The following TRMT2B variants were observed in gnomAD, a reference collection of about 807,000 sequenced individuals.
TRMT2B encodes tRNA methyltransferase 2B.
TRMT2B carries 34 observed loss-of-function variants against 39.7 expected under a neutral mutation model. That is an observed-to-expected ratio of 0.86 (90% CI 0.65 to 1.14). TRMT2B has a LOEUF of 1.14. Among genes scored for constraint, TRMT2B ranks in the 50% most tolerant of loss-of-function variants. TRMT2B has a pLI of 0.00. For missense variants in TRMT2B, 318 were observed against 377.2 expected, an observed-to-expected ratio of 0.84 and a Z score of 1.30; for synonymous variants, 132 against 137.3, an observed-to-expected ratio of 0.96 and a Z score of 0.27.
chrX:101,019,967 C>G (rs1417513184), intron 11 of TRMT2B, among the ~76,000 whole-genome samples: 1 of 110,915 alleles, frequency 9.0e-6, no homozygotes, highest in Non-Finnish European at 1.9e-5. Context: ...ATGCAAGGAC[C>G]TATACCAAGA....
chrX:101,033,561 C>T (rs907754004), intron 7 of TRMT2B, among the ~76,000 whole-genome samples: 3 of 108,817 alleles, frequency 2.8e-5, no homozygotes, highest in Non-Finnish European at 5.7e-5. Context: ...CGCCACTGCA[C>T]TACAGCCCGG....
At chrX:101,043,205 G>A (rs1488416044) in intron 2 of TRMT2B, among the ~76,000 whole-genome samples, 3 of 111,384 alleles carry the variant, frequency 2.7e-5, no homozygotes, top group Non-Finnish European at 5.7e-5. Context: ...GGCAGAGGTT[G>A]CAGTCAGCCG....
At position 101,035,600 on chromosome X, in the gene TRMT2B, T is replaced by C; in HGVS notation, c.609+13A>G. On this transcript the variant is annotated intron_variant, in intron 7 of 13. Transcript: ENST00000372936. Reference sequence around the variant, plus strand: ...CTCCAGGCCATTCTCAACCAGCTCTTGTTCCATTTTACCTGCGCCACTTGA... The same window carrying C: ...CTCCAGGCCATTCTCAACCAGCTCTCGTTCCATTTTACCTGCGCCACTTGA... 2 of 1,204,266 alleles carry C rather than the reference T, an allele frequency of 1.7e-6. No homozygotes were observed. Among genetic ancestry groups the C allele is most frequent in the East Asian group, 3.0e-5 (1 of 33,829 alleles).
At position 101,010,431 on chromosome X, in the gene TRMT2B, C is replaced by G; in HGVS notation, c.*150G>C. 1 of 680,221 alleles carries G rather than the reference C, an allele frequency of 1.5e-6. No individual in the cohort carries two copies. 56.1% of individuals were successfully genotyped at this position (680,221 alleles called of 1,213,427 possible). ...TCTCAAAAAAAAAATCTGCCTCAGA[C>G]CAGAGGCCTAATAGATTCTTCCTAT... On this transcript the variant is annotated 3_prime_UTR_variant, in exon 14 of 14. Coordinates refer to ENST00000372936, the MANE Select transcript of TRMT2B (RefSeq NM_024917.6).
At chrX:101,012,766 T>TA (rs1424555975) in intron 13 of TRMT2B, among the ~76,000 whole-genome samples, 2 of 110,327 alleles carry the variant, frequency 1.8e-5, no homozygotes, top group South Asian at 7.7e-4. Flanking sequence ...TACGCAGCCA[T>TA]AAAAAATGAT....
the TRMT2B span, among the ~76,000 whole-genome samples, chrX:100,993,776 ATC>A: frequency 8.9e-6 from 1 of 111,840 alleles, no homozygotes; most frequent in Middle Eastern, 4.6e-3. Context: ...AAGAAAAAAA[ATC>A]TCTTTTTGAG....
the TRMT2B span, among the ~76,000 whole-genome samples, chrX:100,996,244 A>T: frequency 8.9e-6 from 1 of 112,221 alleles, no homozygotes; most frequent in Admixed American, 9.5e-5. Flanking sequence ...TAGAGAATAG[A>T]ATGATAGATA....
At chrX:101,030,000 T>G in intron 7 of TRMT2B, among the ~76,000 whole-genome samples, 1 of 111,649 alleles carries the variant, frequency 9.0e-6, no homozygotes, top group Non-Finnish European at 1.9e-5. Flanking sequence ...TGGCTCACAC[T>G]TGTAATCCCA....
At chrX:101,027,377 G>A (rs1041728199) in intron 7 of TRMT2B, among the ~76,000 whole-genome samples, 2 of 107,323 alleles carry the variant, frequency 1.9e-5, no homozygotes, top group Admixed American at 1.0e-4. Flanking sequence ...GACTACAGGC[G>A]CACGCCAACA....
At chrX:100,992,337 T>C in the TRMT2B span, among the ~76,000 whole-genome samples, 27,476 of 110,850 alleles carry the variant, frequency 0.25, 2,915 homozygotes, top group African/African-American at 0.4. Flanking sequence ...GCCTAGCACC[T>C]TGGGAGGCCA....
downstream of TRMT2B, among the ~76,000 whole-genome samples, chrX:101,007,012 G>A (rs1157244639): frequency 9.0e-6 from 1 of 111,409 alleles, no homozygotes; most frequent in Non-Finnish European, 1.9e-5. Flanking sequence ...CTTTGTTGTG[G>A]CAATCTGGAA....
intron 13 of TRMT2B, among the ~76,000 whole-genome samples, chrX:101,011,710 A>G (rs1290059050): frequency 1.8e-5 from 2 of 111,386 alleles, no homozygotes; most frequent in Admixed American, 1.9e-4. Context: ...CCGGGGCCAC[A>G]TGACAAAACC....
the TRMT2B span, among the ~76,000 whole-genome samples, chrX:100,997,575 G>A: frequency 8.9e-6 from 1 of 111,864 alleles, no homozygotes; most frequent in African/African-American, 3.2e-5. Flanking sequence ...GAAAGGGTAA[G>A]CTAGTAGGTG....
rs780715154 is a variant in TRMT2B at position 101,024,981 on chromosome X, G to A, written c.610-1365C>T. On this transcript the variant is annotated intron_variant, in intron 7 of 13. Transcript: ENST00000372936. Reference sequence around the variant, plus strand: ...CACTGCACTCCAACCTGGGCAACCTGTGTCTCGGAAAAAAAAAAAAGAATC... The same window carrying A: ...CACTGCACTCCAACCTGGGCAACCTATGTCTCGGAAAAAAAAAAAAGAATC... 8.3e-5 allele frequency among the ~76,000 whole-genome samples: 9 copies of A among 108,075 alleles called. No individual in the cohort carries two copies. The East Asian group carries it at 2.6e-3, about 31-fold the overall frequency. 93.9% of individuals were successfully genotyped at this position (108,075 alleles called of 115,157 possible). A position where few individuals can be genotyped will look rare whatever the true frequency, so the allele number is the denominator to read the frequency against.
chrX:100,999,619 G>A, the TRMT2B span, among the ~76,000 whole-genome samples: 5 of 111,931 alleles, frequency 4.5e-5, no homozygotes, highest in Admixed American at 9.5e-5. Flanking sequence ...TATTACCAAC[G>A]CCTGTGTCCC....
intron 2 of TRMT2B, among the ~76,000 whole-genome samples, chrX:101,046,349 A>G (rs1040639608): frequency 9.0e-6 from 1 of 110,883 alleles, no homozygotes; most frequent in Middle Eastern, 4.2e-3. Context: ...TCTGAGGAAG[A>G]TAGTATCACA....
downstream of TRMT2B, among the ~76,000 whole-genome samples, chrX:101,006,045 A>AC (rs1394053254): frequency 3.6e-5 from 4 of 109,791 alleles, no homozygotes; most frequent in African/African-American, 1.3e-4. Context: ...ACATGGTGAA[A>AC]CCCCGTCTCT....
the TRMT2B span, chrX:100,987,510 A>G: frequency 8.3e-7 from 1 of 1,209,613 alleles, no homozygotes; most frequent in Non-Finnish European, 1.1e-6. Flanking sequence ...GAGCATCTCA[A>G]TCTCCAAGAA....
At chrX:100,975,415 G>C in the TRMT2B span, among the ~76,000 whole-genome samples, 1 of 111,331 alleles carries the variant, frequency 9.0e-6, no homozygotes, top group African/African-American at 3.3e-5. Context: ...TCCACGCATC[G>C]CTCTGGCATG....
Sources: allele counts gnomAD v4.1 joint callset (sites outside exome capture counted in the v4.1 genomes callset), GRCh38; gene constraint gnomAD v4.1.1; transcripts MANE v1.5; gene names NCBI Gene and HGNC (gene_info 2026-07-23, HGNC 2026-07-21).